TCTN1: variants seen among roughly 807,000 people sequenced by gnomAD.
The protein encoded by TCTN1 is tectonic-1.
In TCTN1, 58 loss-of-function variants were observed where a neutral mutation model predicts 65.8. That is an observed-to-expected ratio of 0.88 (90% confidence interval 0.71 to 1.10). TCTN1 has a LOEUF of 1.10. Ranked by LOEUF, TCTN1 falls within the 50% of genes least tolerant of loss-of-function variation. TCTN1 has a pLI of 0.00. For synonymous variants in TCTN1, 273 were observed against 289.1 expected (o/e 0.94, Z 0.57); for missense variants, 645 against 719.4 (o/e 0.90, Z 1.18).
chr12:110,638,977 A>G (rs1262587905), intron 7 of TCTN1, among the ~76,000 whole-genome samples: 1 of 152,190 alleles, frequency 6.6e-6, no homozygotes, highest in East Asian at 1.9e-4. Context: ...TCGTCACATG[A>G]CAGCTCACGT....
chr12:110,626,220 C>T, intron 2 of TCTN1, 142 bp from the exon 3 acceptor site: 2 of 989,748 alleles, frequency 2.0e-6, no homozygotes, highest in South Asian at 3.1e-5. Context: ...TCCCAAGTAG[C>T]TGGGACGTCA....
At chr12:110,638,641 G>C (rs1455798824) in intron 7 of TCTN1, among the ~76,000 whole-genome samples, 3 of 152,208 alleles carry the variant, frequency 2.0e-5, no homozygotes, top group South Asian at 4.1e-4. Context: ...TGAGTGAGCT[G>C]TCGAGACGAG....
At chr12:110,628,678 T>C in intron 3 of TCTN1, 89 bp from the exon 4 acceptor site, 3 of 1,184,768 alleles carry the variant, frequency 2.5e-6, no homozygotes, top group Non-Finnish European at 2.4e-6. Context: ...CTTGATGCTA[T>C]TAAAAACTTT....
intron 13 of TCTN1, 85 bp from the exon 14 acceptor site, chr12:110,647,664 T>C: frequency 6.3e-7 from 1 of 1,592,310 alleles, no homozygotes; most frequent in Non-Finnish European, 8.6e-7. Flanking sequence ...AGTAGTTGGG[T>C]GAGGAAGAGA....
chr12:110,624,756 A>G (rs1284115519), intron 2 of TCTN1, among the ~76,000 whole-genome samples: 1 of 150,196 alleles, frequency 6.7e-6, no homozygotes, highest in East Asian at 2.0e-4. Context: ...TTATTTTTGT[A>G]TTTTTAGTAG....
At chr12:110,621,660 GA>G (rs1323084423) in intron 2 of TCTN1, among the ~76,000 whole-genome samples, 1 of 151,828 alleles carries the variant, frequency 6.6e-6, no homozygotes, top group Admixed American at 6.6e-5. Context: ...TTTTAGTAGA[GA>G]CAGGGTTTCA....
rs1288637912 is a variant in TCTN1, at chr12:110,649,034, T to C, written c.*2-9T>C. 2.0e-6 allele frequency: 1 copy of C among 494,818 alleles called. No individual in the cohort carries two copies. The highest frequency in any genetic ancestry group is 1.6e-5 in the South Asian group (1 of 62,480). The allele number at this position is 494,818 out of a possible 1,614,324, so 30.7% of individuals were successfully genotyped here. A position where few individuals can be genotyped will look rare whatever the true frequency, so the allele number is the denominator to read the frequency against. On this transcript the variant is annotated splice_polypyrimidine_tract_variant and intron_variant, in intron 14 of 14. Coordinates refer to ENST00000397659, the MANE Select transcript of TCTN1 (RefSeq NM_001082538.3). ...GGCAGCTAAAGTAGCTTCTTTTTCTTTCTTTCAGAATGCTCAGATGCATCA... is the reference window on the plus strand; with the variant it reads ...GGCAGCTAAAGTAGCTTCTTTTTCTCTCTTTCAGAATGCTCAGATGCATCA...
chr12:110,633,237 T>C (rs2066345738), intron 5 of TCTN1, among the ~76,000 whole-genome samples: 1 of 152,214 alleles, frequency 6.6e-6, no homozygotes, highest in Non-Finnish European at 1.5e-5. Context: ...GGGGCCTCAC[T>C]ATGAAGAAGC....
chr12:110,614,170 G>A lies in TCTN1; in HGVS notation c.-13G>A. The A allele has an allele frequency of 6.5e-7, 1 of 1,549,444 alleles. No homozygotes were observed. The highest frequency in any genetic ancestry group is 1.2e-5 in the South Asian group (1 of 84,172). On this transcript the variant is annotated 5_prime_UTR_variant, in exon 1 of 15. Transcript: ENST00000397659. ...CTGTCCATGTCGCGGGCCTCGCTGGGACTCCCTGGGAGATGAGGCCGCGAG... is the reference window on the plus strand; with the variant it reads ...CTGTCCATGTCGCGGGCCTCGCTGGAACTCCCTGGGAGATGAGGCCGCGAG...
At chr12:110,623,358 C>T (rs1277687045) in intron 2 of TCTN1, among the ~76,000 whole-genome samples, 1 of 152,190 alleles carries the variant, frequency 6.6e-6, no homozygotes, top group African/African-American at 2.4e-5. Context: ...TTCTACTTAT[C>T]CTTTAAGGCC....
intron 12 of TCTN1, 50 bp from the exon 13 acceptor site, chr12:110,647,146 T>C: frequency 1.2e-6 from 2 of 1,610,262 alleles, no homozygotes; most frequent in Non-Finnish European, 1.7e-6. Context: ...AACTCTGAAC[T>C]GCAGATTAAG....
intron 4 of TCTN1, chr12:110,629,635 A>G (rs1219693672): frequency 4.6e-5 from 7 of 152,262 alleles, no homozygotes; most frequent in Non-Finnish European, 1.5e-5. Flanking sequence ...ACGCTTTTAC[A>G]CTGTTGGGTG....
At chr12:110,632,196 G>A (rs959741908) in intron 4 of TCTN1, among the ~76,000 whole-genome samples, 1 of 152,196 alleles carries the variant, frequency 6.6e-6, no homozygotes, top group Non-Finnish European at 1.5e-5. Context: ...GTCTGCAGAG[G>A]CAGATCGTTA....
intron 5 of TCTN1, among the ~76,000 whole-genome samples, chr12:110,633,839 T>C (rs1016297040): frequency 3.3e-5 from 5 of 152,148 alleles, no homozygotes; most frequent in Admixed American, 1.3e-4. Context: ...AATTTAGCAA[T>C]TTGTATCCAG....
intron 3 of TCTN1, 130 bp downstream of exon 3, chr12:110,626,622 C>A: frequency 9.9e-7 from 1 of 1,009,220 alleles, no homozygotes. Context: ...CTCTGTCACC[C>A]AGGCTGGCGT....
chr12:110,648,813 G>A, intron 14 of TCTN1: 1 of 327,924 alleles, frequency 3.0e-6, no homozygotes, highest in Non-Finnish European at 5.8e-6. Context: ...TTATACAGTA[G>A]TTGTTTTATT....
In TCTN1 at chr12:110,639,234, C is replaced by T. The variant is rs565426630; in HGVS notation, c.844-1149C>T. On this transcript the variant is annotated intron_variant, in intron 7 of 14. Transcript: ENST00000397659. This position sits in a 1 kb window ranked among gnomAD's most constrained non-coding sequence, Gnocchi z 4.9. ...GGTTTCTAAGAATTGAAGTTTAGAG[C>T]AAATGACAGATTCATCCTATAGTAC... Among the ~76,000 whole-genome samples, 2 of 152,200 alleles carry T rather than the reference C, an allele frequency of 1.3e-5. No homozygotes were observed. Among genetic ancestry groups the T allele is most frequent in the Non-Finnish European group, 2.9e-5 (2 of 68,032 alleles).
At chr12:110,629,536 C>T (rs2066083231) in intron 4 of TCTN1, 1 of 152,206 alleles carries the variant, frequency 6.6e-6, no homozygotes, top group Non-Finnish European at 1.5e-5. Context: ...ATCAAAACTG[C>T]AATCAGATAC....
At chr12:110,627,438 A>G (rs577052853) in intron 3 of TCTN1, among the ~76,000 whole-genome samples, 68 of 152,266 alleles carry the variant, frequency 4.5e-4, no homozygotes, top group Admixed American at 8.5e-4. Context: ...TGCTATATGT[A>G]TAGTGTATAT....
Sources: gnomAD v4.1 joint callset for allele counts (sites outside exome capture counted in the v4.1 genomes callset) on GRCh38, gnomAD v4.1.1 for gene constraint, Gnocchi (gnomAD v3.1) non-coding constraint, MANE v1.5 for transcripts, NCBI Gene and HGNC (gene_info 2026-07-23, HGNC 2026-07-21) for gene names.